CDK9: variants seen among roughly 807,000 people sequenced by gnomAD.
The protein encoded by CDK9 is cyclin dependent kinase 9, also known as cyclin-dependent kinase 9.
CDK9 carries 34 observed loss-of-function variants against 39.0 expected under a neutral mutation model. The observed-to-expected ratio is 0.87, with a 90% confidence interval of 0.66 to 1.16. The LOEUF (loss-of-function observed/expected upper bound fraction) is 1.16, where lower values mean the gene tolerates loss of function less well. Ranked by LOEUF, CDK9 falls within the 50% of genes most tolerant of loss-of-function variation. The probability of loss-of-function intolerance (pLI) is 0.00; values close to 1 mark genes in which losing one functional copy is unlikely to be tolerated. For missense variants in CDK9, 369 were observed against 503.2 expected (o/e 0.73, Z 2.55); for synonymous variants, 233 against 196.2 (o/e 1.19, Z -1.57).
At position 127,789,743 on chromosome 9, in the gene CDK9, C is replaced by T. The variant is rs1367568255; in HGVS notation, c.*200C>T. 7.2e-6 allele frequency: 5 copies of T among 695,650 alleles called. No individual in the cohort carries two copies. The highest frequency in any genetic ancestry group is 1.8e-5 in the African/African-American group (1 of 55,430). The allele number at this position is 695,650 out of a possible 1,614,324, so 43.1% of individuals were successfully genotyped here. On this transcript the variant is annotated 3_prime_UTR_variant, in exon 7 of 7. Coordinates refer to ENST00000373264, the MANE Select transcript of CDK9 (RefSeq NM_001261.4). This position sits in a 1 kb window ranked among gnomAD's most constrained non-coding sequence, Gnocchi z 5.2. The stretch of plus-strand genomic sequence containing the variant: ...AGGAGGGCACTGGAGCTGTCTTGTC[C>T]TTGCTGGTTTTCTGGATGGTTCCCA...
At chr9:127,788,754 G>A (rs1290170972) in intron 6 of CDK9, 62 bp downstream of exon 6, 9 of 1,467,932 alleles carry the variant, frequency 6.1e-6, no homozygotes, top group Non-Finnish European at 8.2e-6. Context: ...GGAGGAGTGG[G>A]GAGTAGAATG....
intron 2 of CDK9, among the ~76,000 whole-genome samples, chr9:127,787,285 G>A (rs1435430970): frequency 6.6e-6 from 1 of 151,894 alleles, no homozygotes; most frequent in African/African-American, 2.4e-5. Flanking sequence ...GACTGAAACC[G>A]CCGAGCGTTT....
chr9:127,789,662 TG>T lies in CDK9; in HGVS notation c.*122del. ...TGCATATTTTATTTAATCCCCACCCTGGGCTCTGGGAGCAGCCCGCTGAGTG... is the reference window on the plus strand; with the variant it reads ...TGCATATTTTATTTAATCCCCACCCTGGCTCTGGGAGCAGCCCGCTGAGTG... On this transcript the variant is annotated 3_prime_UTR_variant, in exon 7 of 7. Coordinates refer to ENST00000373264, the MANE Select transcript of CDK9 (RefSeq NM_001261.4). The surrounding 1 kb of genome is among the most constrained non-coding windows in gnomAD (Gnocchi z 5.2). 2 of 1,334,464 alleles carry T rather than the reference TG, an allele frequency of 1.5e-6. No individual in the cohort carries two copies. Among genetic ancestry groups the T allele is most frequent in the Non-Finnish European group, 2.0e-6 (2 of 993,180 alleles). The allele number at this position is 1,334,464 out of a possible 1,614,324, so 82.7% of individuals were successfully genotyped here.
rs1829384555 is a variant in CDK9 at position 127,789,149 on chromosome 9, A to G, written c.754-29A>G. 2.6e-6 allele frequency: 4 copies of G among 1,538,730 alleles called. No homozygotes were observed. Among genetic ancestry groups the G allele is most frequent in the East Asian group, 4.5e-5 (2 of 44,086 alleles). On this transcript the variant is annotated intron_variant, in intron 6 of 6. Coordinates refer to ENST00000373264, the MANE Select transcript of CDK9 (RefSeq NM_001261.4). This position sits in a 1 kb window ranked among gnomAD's most constrained non-coding sequence, Gnocchi z 5.2. Reference sequence around the variant, plus strand: ...GCCACGCACCTCCTGACCGGACTCCATATTCTCTCAACGCCCCCTCCCTCC... The same window carrying G: ...GCCACGCACCTCCTGACCGGACTCCGTATTCTCTCAACGCCCCCTCCCTCC...
At chr9:127,786,868 C>T (rs533145001) in intron 2 of CDK9, 86 bp downstream of exon 2, 2 of 1,054,922 alleles carry the variant, frequency 1.9e-6, no homozygotes, top group African/African-American at 1.6e-5. Flanking sequence ...CTGGGAGTCT[C>T]AGGTTGAGAT....
rs1829315839 is a variant in CDK9, at chr9:127,786,313, C to CT, written c.92+73_92+74insT. On this transcript the variant is annotated intron_variant, in intron 1 of 6. Transcript: ENST00000373264. ...GGGCCGACGTCGGGATGCCCGGGCCCCCCCCGAGTTGGTAGAGAAGTCGTC... is the reference window on the plus strand; with the variant it reads ...GGGCCGACGTCGGGATGCCCGGGCCCTCCCCCGAGTTGGTAGAGAAGTCGTC... 6.5e-6 allele frequency: 8 copies of CT among 1,232,150 alleles called. No homozygotes were observed. In the South Asian group the frequency reaches 8.7e-5, roughly 13 times the overall value. The allele number at this position is 1,232,150 out of a possible 1,614,324, so 76.3% of individuals were successfully genotyped here. A position where few individuals can be genotyped will look rare whatever the true frequency, so the allele number is the denominator to read the frequency against.
rs142566286 is a variant in CDK9 at position 127,788,086 on chromosome 9, C to T, written c.405C>T (p.Asn135=). ...AGAGGGTGATGCAGATGCTGCTTAA[C>T]GGCCTCTACTACATCCACAGAAACA... is the stretch of plus-strand genomic sequence containing the variant. The part of the protein sequence containing the change: ...EIKRVMQMLL[N]GLYYIHRNKI... Residue 135 remains asparagine, a synonymous_variant, in exon 4 of 7, where the codon AAC becomes AAT. Transcript: ENST00000373264. The T allele has an allele frequency of 7.2e-5, 117 of 1,614,090 alleles. No homozygotes were observed. The highest frequency in any genetic ancestry group is 6.1e-4 in the African/African-American group (46 of 74,940).
In CDK9 at chr9:127,789,369, C is replaced by T. The variant is rs1410746040; in HGVS notation, c.945C>T (p.Phe315=). Residue 315 remains phenylalanine, a synonymous_variant, in exon 7 of 7, where the codon TTC becomes TTT. Coordinates refer to ENST00000373264, the MANE Select transcript of CDK9 (RefSeq NM_001261.4). The surrounding 1 kb of genome is among the most constrained non-coding windows in gnomAD (Gnocchi z 5.2). The part of the protein sequence containing the change: ...DSDDALNHDF[F]WSDPMPSDLK... ...ATGACGCCCTCAACCACGACTTCTT[C>T]TGGTCCGACCCCATGCCCTCCGACC... 6 of 1,614,048 alleles carry T rather than the reference C, an allele frequency of 3.7e-6. No homozygotes were observed. Among genetic ancestry groups the T allele is most frequent in the Admixed American group, 1.7e-5 (1 of 60,028 alleles).
Position 127,786,740 on chromosome 9 carries a change from G to T in CDK9, c.132G>T (p.Lys44Asn). Residue 44 changes from lysine (K) to asparagine (N), a missense_variant, in exon 2 of 7, where the codon AAG (lysine) becomes AAT (asparagine). By Grantham distance (94) the Lys-to-Asn change is moderately conservative. Transcript: ENST00000373264. Reference protein sequence around the residue: ...FKARHRKTGQKVALKKVLMEN... With the variant: ...FKARHRKTGQNVALKKVLMEN... ...CCAGGCACCGCAAGACCGGCCAGAA[G>T]GTGGCTCTGAAGAAGGTGCTGATGG... The T allele has an allele frequency of 1.2e-6, 2 of 1,614,138 alleles. No homozygotes were observed. The highest frequency in any genetic ancestry group is 1.7e-6 in the Non-Finnish European group (2 of 1,180,006).
intron 1 of CDK9, 114 bp downstream of exon 1, chr9:127,786,354 C>T (rs1180583964): frequency 6.7e-6 from 6 of 896,650 alleles, no homozygotes; most frequent in Non-Finnish European, 1.1e-5. Flanking sequence ...CCGGGCTTGC[C>T]TGCTGGTCTC....
chr9:127,787,489 T>G (rs1317000499), intron 2 of CDK9, 29 bp from the exon 3 acceptor site: 1 of 1,544,162 alleles, frequency 6.5e-7, no homozygotes, highest in South Asian at 1.1e-5. Flanking sequence ...GCGCTCACTC[T>G]TGACCACTTT....
At chr9:127,786,338 C>G in intron 1 of CDK9, 98 bp downstream of exon 1, 1 of 1,021,304 alleles carries the variant, frequency 9.8e-7, no homozygotes. Context: ...GAGAAGTCGT[C>G]TGTCCCCGGG....
Position 127,789,058 on chromosome 9 carries a change from T to G in CDK9, c.754-120T>G. On this transcript the variant is annotated intron_variant, in intron 6 of 6. Coordinates refer to ENST00000373264, the MANE Select transcript of CDK9 (RefSeq NM_001261.4). The surrounding 1 kb of genome is among the most constrained non-coding windows in gnomAD (Gnocchi z 5.2). ...GGCACTGCTTCTGGGAGGGGTCGAGTAGCAGTCTGGGAGCCTCCGAGTGGA... is the reference window on the plus strand; with the variant it reads ...GGCACTGCTTCTGGGAGGGGTCGAGGAGCAGTCTGGGAGCCTCCGAGTGGA... 1 of 1,304,832 alleles carries G rather than the reference T, an allele frequency of 7.7e-7. No individual in the cohort carries two copies. Among genetic ancestry groups the G allele is most frequent in the Non-Finnish European group, 1.0e-6 (1 of 961,702 alleles). The allele number at this position is 1,304,832 out of a possible 1,614,324, so 80.8% of individuals were successfully genotyped here.
chr9:127,787,811 G>A (rs1452098822), intron 3 of CDK9, 136 bp from the exon 4 acceptor site: 16 of 995,758 alleles, frequency 1.6e-5, no homozygotes, highest in African/African-American at 3.2e-5. Flanking sequence ...ATATTTGACC[G>A]GTGAAGGAAG....
Position 127,789,209 on chromosome 9 carries a change from A to C in CDK9, c.785A>C (p.Tyr262Ser). ...VWPNVDNYEL[Y>S]EKLELVKGQK... The stretch of plus-strand genomic sequence containing the variant: ...CCAAACGTGGACAACTATGAGCTGT[A>C]CGAAAAGCTGGAGCTGGTCAAGGGC... Residue 262 changes from tyrosine to serine, a missense_variant, in exon 7 of 7, where the codon TAC (tyrosine) becomes TCC (serine). Tyr to Ser is a moderately radical substitution (Grantham distance 144, BLOSUM62 -2). Coordinates refer to ENST00000373264, the MANE Select transcript of CDK9 (RefSeq NM_001261.4). The surrounding 1 kb of genome is among the most constrained non-coding windows in gnomAD (Gnocchi z 5.2). 1 of 1,603,014 alleles carries C rather than the reference A, an allele frequency of 6.2e-7. No individual in the cohort carries two copies.
intron 4 of CDK9, 45 bp downstream of exon 4, chr9:127,788,158 T>C: frequency 1.9e-6 from 3 of 1,613,450 alleles, no homozygotes; most frequent in Non-Finnish European, 2.5e-6. Flanking sequence ...GGGCTGGTCT[T>C]GGCTCCCACT....
At position 127,786,082 on chromosome 9, in the gene CDK9, G is replaced by A. The variant is rs771229305; in HGVS notation, c.-67G>A. ...GCGGAGGGGCCTGGAGTGCGGCGGC[G>A]GCGGGACCCGGAGCAGGAGCGGCGG... On this transcript the variant is annotated 5_prime_UTR_variant, in exon 1 of 7. Coordinates refer to ENST00000373264, the MANE Select transcript of CDK9 (RefSeq NM_001261.4). 5.8e-5 allele frequency: 73 copies of A among 1,255,920 alleles called. No homozygotes were observed. Among genetic ancestry groups the A allele is most frequent in the Non-Finnish European group, 6.1e-5 (55 of 900,250 alleles). 77.8% of individuals were successfully genotyped at this position (1,255,920 alleles called of 1,614,324 possible). A position where few individuals can be genotyped will look rare whatever the true frequency, so the allele number is the denominator to read the frequency against.
In CDK9 at chr9:127,787,130, T is replaced by C. The variant is rs184296831; in HGVS notation, c.174+348T>C. Among the ~76,000 whole-genome samples, 12 of 152,310 alleles carry C rather than the reference T, an allele frequency of 7.9e-5. No individual in the cohort carries two copies. In the East Asian group the frequency reaches 2.3e-3, roughly 29 times the overall value. On this transcript the variant is annotated intron_variant, in intron 2 of 6. Transcript: ENST00000373264. ...TCTGATACTCAATTATTTAATGTAT[T>C]TAAAAGGAGCGGTCCCTTCTCCACC...
rs1365208357 is a variant in CDK9, at chr9:127,789,265, G to T, written c.841G>T (p.Ala281Ser). ...QKRKVKDRLK[A>S]YVRDPYALDL... ...GCGGAAGGTGAAGGACAGGCTGAAG[G>T]CCTATGTGCGTGACCCATACGCACT... The change falls in exon 7 of 7, where the codon GCC (alanine) becomes TCC (serine). Residue 281 changes from alanine to serine, a missense_variant. Ala to Ser is a moderately conservative substitution (Grantham distance 99). Transcript: ENST00000373264. This position sits in a 1 kb window ranked among gnomAD's most constrained non-coding sequence, Gnocchi z 5.2. The T allele has an allele frequency of 6.2e-7, 1 of 1,613,678 alleles. No homozygotes were observed. Among genetic ancestry groups the T allele is most frequent in the Non-Finnish European group, 8.5e-7 (1 of 1,179,878 alleles).
Sources: gnomAD v4.1 joint callset for allele counts (sites outside exome capture counted in the v4.1 genomes callset) on GRCh38, gnomAD v4.1.1 for gene constraint, Gnocchi (gnomAD v3.1) non-coding constraint, MANE v1.5 for transcripts, NCBI Gene and HGNC (gene_info 2026-07-23, HGNC 2026-07-21) for gene names.